The following TNKS variants were observed in gnomAD, a reference collection of about 807,000 sequenced individuals.
TNKS encodes the protein poly [ADP-ribose] polymerase tankyrase-1.
TNKS carries 72 observed loss-of-function variants against 135.8 expected under a neutral mutation model. The ratio of observed to expected loss-of-function variants is 0.53; its 90% CI spans 0.44 to 0.64. The LOEUF (loss-of-function observed/expected upper bound fraction) is 0.64. Ranked by LOEUF, TNKS falls within the 30% of genes least tolerant of loss-of-function variation. The probability of loss-of-function intolerance (pLI) is 0.00; values close to 1 mark genes in which losing one functional copy is unlikely to be tolerated. For missense variants in TNKS, 1,769 were observed against 1,674.0 expected (o/e 1.06, Z -0.99); for synonymous variants, 849 against 649.3 (o/e 1.31, Z -4.68).
At position 9,579,131 on chromosome 8, in the gene TNKS, C is replaced by A. The variant is rs142137129; in HGVS notation, c.674-1028C>A. ...GACTCTTTCTGACTCCCCCTAAACC[C>A]CCATTTTTGTCTGAAAACTGTGATA... On this transcript the variant is annotated intron_variant, in intron 1 of 26. Transcript: ENST00000310430. Among the ~76,000 whole-genome samples the A allele has an allele frequency of 1.4e-3, 217 of 152,236 alleles. 3 individuals are homozygous for A. In the East Asian group the frequency reaches 0.036, roughly 25 times the overall value.
At chr8:9,593,872 ATTTAT>A (rs1798675751) in intron 2 of TNKS, among the ~76,000 whole-genome samples, 1 of 150,192 alleles carries the variant, frequency 6.7e-6, no homozygotes, top group Admixed American at 6.6e-5. Flanking sequence ...ATATTTATTT[ATTTAT>A]TTATTATTAT....
chr8:9,570,328 T>C (rs1212716648), intron 1 of TNKS, among the ~76,000 whole-genome samples: 1 of 152,110 alleles, frequency 6.6e-6, no homozygotes, highest in Non-Finnish European at 1.5e-5. Flanking sequence ...GTATTGACTG[T>C]AATGGGGATA....
chr8:9,740,805 C>G (rs1157448016), intron 17 of TNKS: 1 of 142,456 alleles, frequency 7.0e-6, no homozygotes, highest in East Asian at 2.2e-4. Flanking sequence ...ACTACATATA[C>G]ATTTATATGT....
rs145981298 is a variant in TNKS, at chr8:9,627,536, C to T, written c.994+11859C>T. Among the ~76,000 whole-genome samples, 156 of 150,098 alleles carry T rather than the reference C, an allele frequency of 1.0e-3. 2 individuals carry two copies. The East Asian group carries it at 0.024, about 23-fold the overall frequency. The stretch of plus-strand genomic sequence containing the variant: ...GAGGCCATCCTGCTGTTGCCTGTGG[C>T]AAAATTGCTTGCTTGCTTGCTTGCT... On this transcript the variant is annotated intron_variant, in intron 3 of 26. Transcript: ENST00000310430.
chr8:9,613,499 C>G (rs1308136481), intron 2 of TNKS, among the ~76,000 whole-genome samples: 1 of 152,144 alleles, frequency 6.6e-6, no homozygotes, highest in Non-Finnish European at 1.5e-5. Context: ...ATTTTTAATT[C>G]ATATGTGATG....
intron 14 of TNKS, among the ~76,000 whole-genome samples, chr8:9,732,838 A>G (rs1204157182): frequency 6.6e-6 from 1 of 152,142 alleles, no homozygotes; most frequent in Non-Finnish European, 1.5e-5. Flanking sequence ...AATATTTGGC[A>G]CCTCAATATT....
chr8:9,628,243 A>G (rs1388127371), intron 3 of TNKS, among the ~76,000 whole-genome samples: 1 of 152,186 alleles, frequency 6.6e-6, no homozygotes, highest in African/African-American at 2.4e-5. Flanking sequence ...CCTTTAGAGT[A>G]TACGGAACTG....
At chr8:9,563,487 T>C (rs1797415015) in intron 1 of TNKS, among the ~76,000 whole-genome samples, 1 of 152,156 alleles carries the variant, frequency 6.6e-6, no homozygotes, top group South Asian at 2.1e-4. Context: ...AGTGTGATTG[T>C]GTTCCAGTAA....
chr8:9,743,817 T>C (rs938090995), intron 17 of TNKS, among the ~76,000 whole-genome samples: 1 of 152,226 alleles, frequency 6.6e-6, no homozygotes, highest in African/African-American at 2.4e-5. Flanking sequence ...CCAGTCAGAA[T>C]AAGGGCTGCA....
intron 13 of TNKS, among the ~76,000 whole-genome samples, chr8:9,728,296 A>G (rs1236433989): frequency 1.3e-5 from 2 of 152,244 alleles, no homozygotes; most frequent in African/African-American, 2.4e-5. Context: ...CTGAGGTTTT[A>G]GAAGAAAAGG....
chr8:9,749,199 G>A lies in TNKS; in HGVS notation c.2832+987G>A, dbSNP rs146347569. On this transcript the variant is annotated intron_variant, in intron 18 of 26. Transcript: ENST00000310430. ...CTTTGAAAGGAGAAGCAAAAATTTC[G>A]TGGCCATCTTTAATCAGCCACAGTC... Among the ~76,000 whole-genome samples the A allele has an allele frequency of 1.8e-3, 277 of 152,268 alleles. 3 individuals are homozygous for A. The highest frequency in any genetic ancestry group is 6.1e-3 in the African/African-American group (254 of 41,542).
intron 18 of TNKS, among the ~76,000 whole-genome samples, chr8:9,749,525 A>C (rs1331079631): frequency 6.7e-6 from 1 of 148,572 alleles, no homozygotes; most frequent in Non-Finnish European, 1.5e-5. Flanking sequence ...CCCAAGCCAG[A>C]GTGCAGTGGC....
intron 1 of TNKS, among the ~76,000 whole-genome samples, chr8:9,565,908 T>G (rs6982215): frequency 0.17 from 26,464 of 152,100 alleles, 2,505 homozygotes; most frequent in East Asian, 0.29. Context: ...CCCTGATGCC[T>G]TGTTAAAGTG....
chr8:9,762,368 G>T (rs73662515), intron 21 of TNKS, among the ~76,000 whole-genome samples: 144 of 152,244 alleles, frequency 9.5e-4, no homozygotes, highest in African/African-American at 3.3e-3. Flanking sequence ...CTGTATTTTA[G>T]TTCATCCATG....
At chr8:9,643,813 T>C (rs931765529) in intron 3 of TNKS, among the ~76,000 whole-genome samples, 1 of 152,198 alleles carries the variant, frequency 6.6e-6, no homozygotes, top group Non-Finnish European at 1.5e-5. Context: ...GAAGTGATAT[T>C]TGTACACTCA....
chr8:9,652,865 G>C (rs771892316), intron 3 of TNKS, among the ~76,000 whole-genome samples: 2 of 152,056 alleles, frequency 1.3e-5, no homozygotes, highest in Admixed American at 6.6e-5. Flanking sequence ...TTTTAAAAAT[G>C]AGAAACATGA....
At chr8:9,623,382 T>G (rs1447356761) in intron 3 of TNKS, among the ~76,000 whole-genome samples, 1 of 151,974 alleles carries the variant, frequency 6.6e-6, no homozygotes, top group Non-Finnish European at 1.5e-5. Flanking sequence ...TTAGTGCAGA[T>G]TCGGTTTCAG....
chr8:9,775,996 C>G (rs1029000652), intron 26 of TNKS, among the ~76,000 whole-genome samples: 1 of 151,396 alleles, frequency 6.6e-6, no homozygotes, highest in Admixed American at 6.6e-5. Context: ...CCTCCTTTTT[C>G]CTGCTCCCAC....
intron 3 of TNKS, among the ~76,000 whole-genome samples, chr8:9,665,109 A>G (rs1056781936): frequency 2.0e-5 from 3 of 152,128 alleles, no homozygotes; most frequent in Admixed American, 2.0e-4. Context: ...AAGCTTTTGT[A>G]CTCTAGACTA....
Sources: gnomAD v4.1 joint callset for allele counts (sites outside exome capture counted in the v4.1 genomes callset) on GRCh38, gnomAD v4.1.1 for gene constraint, MANE v1.5 for transcripts, NCBI Gene and HGNC (gene_info 2026-07-23, HGNC 2026-07-21) for gene names.